The following CNTNAP2 variants were observed in gnomAD, a reference collection of about 807,000 sequenced individuals.
The protein encoded by CNTNAP2 is contactin associated protein 2.
Under a neutral mutation model 155.2 loss-of-function variants are expected in CNTNAP2, and 98 were observed. The observed-to-expected ratio is 0.63, with a 90% CI of 0.54 to 0.75. The LOEUF (loss-of-function observed/expected upper bound fraction) is 0.75, where lower values mean the gene tolerates loss of function less well. Ranked by LOEUF, CNTNAP2 falls within the 30% of genes least tolerant of loss-of-function variation. The pLI, the probability that CNTNAP2 is intolerant of heterozygous loss-of-function variation, is 0.00. For synonymous variants in CNTNAP2, 651 were observed against 631.2 expected, an observed-to-expected ratio of 1.03 and a Z score of -0.47; for missense variants, 1,727 against 1,688.1, an observed-to-expected ratio of 1.02 and a Z score of -0.40.
chr7:146,764,528 A>C (rs551408485), intron 1 of CNTNAP2, among the ~76,000 whole-genome samples: 1 of 151,656 alleles, frequency 6.6e-6, no homozygotes, highest in African/African-American at 2.4e-5. Context: ...CAAAAGCTTA[A>C]TTTAAAAAAA....
At chr7:146,775,293 A>G (rs557926344) in intron 2 of CNTNAP2, among the ~76,000 whole-genome samples, 3 of 152,162 alleles carry the variant, frequency 2.0e-5, no homozygotes, top group African/African-American at 7.2e-5. Flanking sequence ...GAAAATTGCT[A>G]AAGTAACAGC....
At chr7:146,585,146 G>A (rs1221500603) in intron 1 of CNTNAP2, among the ~76,000 whole-genome samples, 8 of 120,742 alleles carry the variant, frequency 6.6e-5, no homozygotes, top group South Asian at 2.8e-4. Context: ...TTGTTTTTTC[G>A]GAGTCCCACT....
chr7:146,470,705 G>A (rs890046857), intron 1 of CNTNAP2, among the ~76,000 whole-genome samples: 7 of 152,062 alleles, frequency 4.6e-5, no homozygotes, highest in Admixed American at 6.6e-5. Flanking sequence ...GAGTAGCTGG[G>A]ATTACAGGTA....
At chr7:147,617,934 G>GA (rs1801323395) in intron 12 of CNTNAP2, among the ~76,000 whole-genome samples, 1 of 151,974 alleles carries the variant, frequency 6.6e-6, no homozygotes, top group South Asian at 2.1e-4. Flanking sequence ...TTTGAGTTTT[G>GA]AAAAAACAGT....
chr7:146,202,449 T>C (rs1308670922), intron 1 of CNTNAP2, among the ~76,000 whole-genome samples: 1 of 152,182 alleles, frequency 6.6e-6, no homozygotes, highest in African/African-American at 2.4e-5. Flanking sequence ...ATGTTAAAAA[T>C]GTTAAAAAAC....
intron 1 of CNTNAP2, among the ~76,000 whole-genome samples, chr7:146,701,629 T>G (rs1800879529): frequency 6.6e-6 from 1 of 152,120 alleles, no homozygotes; most frequent in South Asian, 2.1e-4. Context: ...AATACAAAGT[T>G]ATATCATTCA....
chr7:147,835,275 G>A (rs371307316), intron 13 of CNTNAP2, among the ~76,000 whole-genome samples: 2 of 152,226 alleles, frequency 1.3e-5, no homozygotes, highest in Non-Finnish European at 2.9e-5. Context: ...GAAAAAGTGA[G>A]CAGAGCCATG....
At chr7:146,981,621 T>TA (rs1798019537) in intron 3 of CNTNAP2, among the ~76,000 whole-genome samples, 1 of 152,200 alleles carries the variant, frequency 6.6e-6, no homozygotes, top group East Asian at 1.9e-4. Flanking sequence ...TCAGTTTTAT[T>TA]ATTGGGTAAA....
intron 13 of CNTNAP2, among the ~76,000 whole-genome samples, chr7:147,753,253 G>A (rs918470256): frequency 1.3e-5 from 2 of 152,176 alleles, no homozygotes; most frequent in Non-Finnish European, 1.5e-5. Flanking sequence ...TTCTTGGATA[G>A]CTTTTCTAAT....
intron 8 of CNTNAP2, among the ~76,000 whole-genome samples, chr7:147,170,497 C>G (rs1331807753): frequency 6.6e-6 from 1 of 152,074 alleles, no homozygotes; most frequent in Non-Finnish European, 1.5e-5. Context: ...GGGGATAGAC[C>G]ACGCCCTTAC....
At chr7:147,902,131 C>T (rs1799880403) in intron 13 of CNTNAP2, among the ~76,000 whole-genome samples, 1 of 152,094 alleles carries the variant, frequency 6.6e-6, no homozygotes, top group African/African-American at 2.4e-5. Flanking sequence ...GCGGACTGAC[C>T]GCAACTTGGC....
At chr7:148,346,773 T>TAAAAAAAAAA (rs71188973) in intron 21 of CNTNAP2, among the ~76,000 whole-genome samples, 38 of 147,118 alleles carry the variant, frequency 2.6e-4, no homozygotes, top group African/African-American at 8.9e-4. Flanking sequence ...ACTCCATCTT[T>TAAAAAAAAAA]AAAAAAAAAA....
chr7:147,486,904 T>C (rs1302895625), intron 11 of CNTNAP2, among the ~76,000 whole-genome samples: 1 of 151,960 alleles, frequency 6.6e-6, no homozygotes, highest in Non-Finnish European at 1.5e-5. Context: ...TGTGTGTGTG[T>C]GTGTGTGTGT....
chr7:148,140,000 G>A (rs1432233177), intron 16 of CNTNAP2, among the ~76,000 whole-genome samples: 3 of 152,178 alleles, frequency 2.0e-5, no homozygotes, highest in Non-Finnish European at 2.9e-5. Flanking sequence ...TGATAGTTCT[G>A]TAGAAGGACT....
intron 1 of CNTNAP2, among the ~76,000 whole-genome samples, chr7:146,721,295 C>CTA (rs1801300836): frequency 8.2e-6 from 1 of 122,606 alleles, no homozygotes; most frequent in Non-Finnish European, 1.6e-5. Flanking sequence ...TATATATATT[C>CTA]TATATATGTA....
At chr7:147,731,092 G>A (rs927872024) in intron 13 of CNTNAP2, among the ~76,000 whole-genome samples, 5 of 152,116 alleles carry the variant, frequency 3.3e-5, no homozygotes, top group East Asian at 3.9e-4. Context: ...TCTCTATAAC[G>A]TGAAAGTGCA....
chr7:147,301,905 T>TA (rs1194087849), intron 9 of CNTNAP2, among the ~76,000 whole-genome samples: 1 of 152,156 alleles, frequency 6.6e-6, no homozygotes, highest in Non-Finnish European at 1.5e-5. Context: ...CTGAGTCCTA[T>TA]ACCAGGGCAT....
At chr7:146,409,704 T>TC (rs1458794838) in intron 1 of CNTNAP2, among the ~76,000 whole-genome samples, 2 of 152,272 alleles carry the variant, frequency 1.3e-5, no homozygotes, top group African/African-American at 4.8e-5. Flanking sequence ...CACTGCATCC[T>TC]CCTCCCCAAA....
chr7:147,247,838 T>C (rs1411635828), intron 8 of CNTNAP2, among the ~76,000 whole-genome samples: 1 of 152,160 alleles, frequency 6.6e-6, no homozygotes, highest in African/African-American at 2.4e-5. Flanking sequence ...AGGAGAAGAG[T>C]GTTAAGCATG....
Sources: gnomAD v4.1 joint callset for allele counts (sites outside exome capture counted in the v4.1 genomes callset) on GRCh38, gnomAD v4.1.1 for gene constraint, MANE v1.5 for transcripts, NCBI Gene and HGNC (gene_info 2026-07-23, HGNC 2026-07-21) for gene names.